TFIP11: variants seen among roughly 807,000 people sequenced by gnomAD.
TFIP11 encodes tuftelin-interacting protein 11.
TFIP11 carries 86 observed loss-of-function variants against 96.8 expected under a neutral mutation model. The ratio of observed to expected loss-of-function variants is 0.89; its 90% CI spans 0.75 to 1.06. TFIP11 has a LOEUF of 1.06. Among genes scored for constraint, TFIP11 ranks in the 50% least tolerant of loss-of-function variants. TFIP11 has a pLI of 0.00. For missense variants in TFIP11, 881 were observed against 1,076.7 expected, an observed-to-expected ratio of 0.82 and a Z score of 2.54; for synonymous variants, 405 against 395.2, an observed-to-expected ratio of 1.02 and a Z score of -0.29.
chr22:26,502,169 T>G, intron 7 of TFIP11, 117 bp from the exon 8 acceptor site: 1 of 1,319,920 alleles, frequency 7.6e-7, no homozygotes, highest in African/African-American at 1.4e-5. Context: ...ATTTACAAGC[T>G]CTATATGAAG....
At chr22:26,506,726 T>C (rs1452870733) in intron 5 of TFIP11, 49 bp downstream of exon 5, 2 of 1,599,412 alleles carry the variant, frequency 1.3e-6, no homozygotes, top group East Asian at 2.2e-5. Context: ...TGGGCCACAA[T>C]GACCTTTGAA....
intron 6 of TFIP11, chr22:26,505,837 A>C (rs1435274843): frequency 6.5e-6 from 1 of 152,886 alleles, no homozygotes; most frequent in East Asian, 1.9e-4. Context: ...CAGCCTCCTG[A>C]GTAGCTGGGA....
rs776589742 is a variant in TFIP11 at position 26,491,831 on chromosome 22, A to G, written c.*182T>C. 1 of 917,510 alleles carries G rather than the reference A, an allele frequency of 1.1e-6. No homozygotes were observed. The highest frequency in any genetic ancestry group is 1.6e-6 in the Non-Finnish European group (1 of 621,768). 56.8% of individuals were successfully genotyped at this position (917,510 alleles called of 1,614,324 possible). On this transcript the variant is annotated 3_prime_UTR_variant, in exon 15 of 15. Transcript: ENST00000407690. ...ACGATACCCCACATGAGGACTTGGT[A>G]TAAAGATTCCTGCCCTACGTGGCAT...
intron 3 of TFIP11, 39 bp from the exon 4 acceptor site, chr22:26,510,320 T>G: frequency 6.3e-7 from 1 of 1,591,664 alleles, no homozygotes; most frequent in Non-Finnish European, 8.6e-7. Context: ...CCGTAAGTCC[T>G]GGGGGCAGCA....
Position 26,499,556 on chromosome 22 carries a change from C to G in TFIP11, c.877G>C (p.Asp293His), listed in dbSNP as rs756454926. 1 of 1,614,174 alleles carries G rather than the reference C, an allele frequency of 6.2e-7. No homozygotes were observed. Among genetic ancestry groups the G allele is most frequent in the South Asian group, 1.1e-5 (1 of 91,082 alleles). ...SQISHKHNVP[D>H]DGLPLQSQQL... is the part of the protein sequence containing the mutation. ...TGGGACTGTAGCGGCAGCCCATCAT[C>G]GGGAACGTTGTGCTTGTGGCTGATC... The change falls in exon 9 of 15, where the codon GAT (aspartate) becomes CAT (histidine). Residue 293 changes from aspartate (D) to histidine (H), a missense_variant. By Grantham distance (81) the Asp-to-His change is moderately conservative. Transcript: ENST00000407690.
Position 26,491,703 on chromosome 22 carries a change from G to T in TFIP11, c.*310C>A. 1 of 1,582,120 alleles carries T rather than the reference G, an allele frequency of 6.3e-7. No homozygotes were observed. Among genetic ancestry groups the T allele is most frequent in the South Asian group, 1.1e-5 (1 of 90,138 alleles). On this transcript the variant is annotated 3_prime_UTR_variant, in exon 15 of 15. Transcript: ENST00000407690. ...TTGTGAGGTACTCAGTGTTGGCTGA[G>T]GTAGAAGCTGCCACCAGAGACTAAA...
intron 11 of TFIP11, 81 bp downstream of exon 11, chr22:26,496,640 A>C: frequency 6.6e-7 from 1 of 1,512,608 alleles, no homozygotes; most frequent in Non-Finnish European, 9.0e-7. Context: ...GCGTTTTAAC[A>C]GCACTGAGAT....
chr22:26,507,876 A>C (rs1923607270), intron 4 of TFIP11, among the ~76,000 whole-genome samples: 1 of 152,278 alleles, frequency 6.6e-6, no homozygotes, highest in East Asian at 1.9e-4. Context: ...TAATCTCAGC[A>C]CTTTGGGAGG....
At chr22:26,501,493 T>A (rs111262527) in intron 8 of TFIP11, among the ~76,000 whole-genome samples, 2 of 151,114 alleles carry the variant, frequency 1.3e-5, no homozygotes, top group Admixed American at 1.3e-4. Context: ...ACAACGGAGG[T>A]AGGATCAAAT....
chr22:26,502,161 T>C, intron 7 of TFIP11, 109 bp from the exon 8 acceptor site: 1 of 1,383,014 alleles, frequency 7.2e-7, no homozygotes, highest in Non-Finnish European at 1.0e-6. Context: ...TTAGATTTAT[T>C]TACAAGCTCT....
chr22:26,501,998 T>G lies in TFIP11; in HGVS notation c.703A>C (p.Lys235Gln), dbSNP rs1353524708. The G allele has an allele frequency of 3.1e-6, 5 of 1,613,964 alleles. No individual in the cohort carries two copies. The highest frequency in any genetic ancestry group is 4.2e-6 in the Non-Finnish European group (5 of 1,180,018). ...ACGGTCTTGTAAGAGTATTTGGGCT[T>G]CTTCTTGCTTCCACTTGGGTCTTTC... ...WRKDPSGSKKKPKYSYKTVEE... is the reference protein window; with the variant it reads ...WRKDPSGSKKQPKYSYKTVEE... Residue 235 changes from lysine (K) to glutamine (Q), a missense_variant, in exon 8 of 15, where the codon AAG (lysine) becomes CAG (glutamine). Lys to Gln is a moderately conservative substitution (Grantham distance 53). Transcript: ENST00000407690.
chr22:26,492,198 T>C lies in TFIP11; in HGVS notation c.2329A>G (p.Ile777Val). Residue 777 changes from isoleucine to valine, a missense_variant, in exon 15 of 15, where the codon ATT (isoleucine) becomes GTT (valine). Physicochemically the swap from Ile to Val is conservative, Grantham distance 29. Transcript: ENST00000407690. ...SSVPMNFKDL[I>V]ETKAEEHNIV... The stretch of plus-strand genomic sequence containing the variant: ...TTGTGCTCCTCAGCCTTGGTCTCAA[T>C]GAGGTCCTTAAAGTTCATGGGCACA... The C allele has an allele frequency of 6.2e-7, 1 of 1,614,232 alleles. No homozygotes were observed. Among genetic ancestry groups the C allele is most frequent in the Non-Finnish European group, 8.5e-7 (1 of 1,180,042 alleles).
chr22:26,493,337 A>G (rs1003074265), intron 14 of TFIP11: 9 of 152,246 alleles, frequency 5.9e-5, no homozygotes, highest in Non-Finnish European at 1.3e-4. Flanking sequence ...AGGCTATTAA[A>G]TAACAAGAAT....
rs751929217 is a variant in TFIP11 at position 26,510,166 on chromosome 22, T to C, written c.107A>G (p.Asn36Ser). 12 of 1,614,006 alleles carry C rather than the reference T, an allele frequency of 7.4e-6. No individual in the cohort carries two copies. The Admixed American group carries it at 1.5e-4, about 20-fold the overall frequency. Residue 36 changes from asparagine (N) to serine (S), a missense_variant, in exon 4 of 15, where the codon AAC becomes AGC. Transcript: ENST00000407690. ...CTGCCAGTGGCGCTGTCGGTTGGGG[T>C]TGAACTCATTCTGGAGATCCCAGTC... ...ITDWDLQNEF[N>S]PNRQRHWQTK...
intron 4 of TFIP11, among the ~76,000 whole-genome samples, chr22:26,508,716 A>C (rs1923705173): frequency 6.6e-6 from 1 of 152,120 alleles, no homozygotes; most frequent in Non-Finnish European, 1.5e-5. Context: ...GTGATGGCAC[A>C]TGCCTGTAGT....
Position 26,510,151 on chromosome 22 carries a change from C to T in TFIP11, c.122G>A (p.Arg41His), listed in dbSNP as rs374920214. The T allele has an allele frequency of 2.0e-5, 32 of 1,614,034 alleles. No homozygotes were observed. The African/African-American group carries it at 3.2e-4, about 16-fold the overall frequency. ...LQNEFNPNRQRHWQTKEEATY... is the reference protein window; with the variant it reads ...LQNEFNPNRQHHWQTKEEATY... ...GGCTTCTTCCTTGGTCTGCCAGTGG[C>T]GCTGTCGGTTGGGGTTGAACTCATT... is the stretch of plus-strand genomic sequence containing the variant. The change falls in exon 4 of 15, where the codon CGC (arginine) becomes CAC (histidine). Residue 41 changes from arginine to histidine, a missense_variant. By Grantham distance (29) the Arg-to-His change is conservative. Transcript: ENST00000407690.
chr22:26,495,995 T>C, intron 12 of TFIP11, 78 bp downstream of exon 12: 2 of 1,551,470 alleles, frequency 1.3e-6, no homozygotes, highest in Non-Finnish European at 1.7e-6. Context: ...AAGGCGATGC[T>C]TTAAATCATC....
chr22:26,491,381 CAAGT>C lies in TFIP11; in HGVS notation c.*628_*631del. ...TTTTTAAAAAGTAAAGTGGGGATGA[CAAGT>C]AAAGTGGAAATTTATCCCAGAAGAG... On this transcript the variant is annotated 3_prime_UTR_variant, in exon 15 of 15. Transcript: ENST00000407690. 3 of 1,116,532 alleles carry C rather than the reference CAAGT, an allele frequency of 2.7e-6. No individual in the cohort carries two copies. The highest frequency in any genetic ancestry group is 3.9e-6 in the Non-Finnish European group (3 of 763,346). 69.2% of individuals were successfully genotyped at this position (1,116,532 alleles called of 1,614,324 possible). A position where few individuals can be genotyped will look rare whatever the true frequency, so the allele number is the denominator to read the frequency against.
At position 26,499,096 on chromosome 22, in the gene TFIP11, C is replaced by T. The variant is rs746945645; in HGVS notation, c.1329+8G>A. 5.7e-6 allele frequency: 9 copies of T among 1,588,622 alleles called. No individual in the cohort carries two copies. The South Asian group carries it at 1.0e-4, about 18-fold the overall frequency. The stretch of plus-strand genomic sequence containing the variant: ...GGCAGGGATAGGTTGATTTTCCCAG[C>T]AACTCACTTTGAGGGGATCCCACTC... On this transcript the variant is annotated splice_region_variant and intron_variant, in intron 9 of 14. Coordinates refer to ENST00000407690, the MANE Select transcript of TFIP11 (RefSeq NM_012143.4).
Sources: allele counts gnomAD v4.1 joint callset (sites outside exome capture counted in the v4.1 genomes callset), GRCh38; gene constraint gnomAD v4.1.1; transcripts MANE v1.5; gene names NCBI Gene and HGNC (gene_info 2026-07-23, HGNC 2026-07-21).